FAF1: variants seen among roughly 807,000 people sequenced by gnomAD.
FAF1 encodes the protein Fas associated factor 1, also known as FAS-associated factor 1.
FAF1 carries 25 observed loss-of-function variants against 92.5 expected under a neutral mutation model. That is an observed-to-expected ratio of 0.27 (90% CI 0.20 to 0.38). The LOEUF (loss-of-function observed/expected upper bound fraction) is 0.38, where lower values mean the gene tolerates loss of function less well. Ranked by LOEUF, FAF1 falls within the 10% of genes least tolerant of loss-of-function variation. FAF1 has a pLI of 1.00. For missense variants in FAF1, 636 were observed against 793.3 expected (o/e 0.80, Z 2.38); for synonymous variants, 234 against 273.2 (o/e 0.86, Z 1.42).
intron 4 of FAF1, among the ~76,000 whole-genome samples, chr1:50,767,698 T>C (rs1476538465): frequency 6.6e-6 from 1 of 152,216 alleles, no homozygotes; most frequent in Admixed American, 6.5e-5. Flanking sequence ...AAGAGCTTCA[T>C]ATCCTGCCAG....
At chr1:50,789,273 G>C (rs1296398846) in intron 3 of FAF1, among the ~76,000 whole-genome samples, 1 of 152,098 alleles carries the variant, frequency 6.6e-6, no homozygotes, top group Admixed American at 6.5e-5. Flanking sequence ...AAGTAAAAAT[G>C]AAATCCTGGC....
At chr1:50,851,464 C>T (rs76293293) in intron 2 of FAF1, among the ~76,000 whole-genome samples, 14 of 152,258 alleles carry the variant, frequency 9.2e-5, no homozygotes, top group African/African-American at 3.1e-4. Flanking sequence ...TTGGTTTTCC[C>T]GCTGTGAGCT....
rs529610713 is a variant in FAF1 at position 50,866,174 on chromosome 1, A to T, written c.46-8177T>A. On this transcript the variant is annotated intron_variant, in intron 1 of 18. Coordinates refer to ENST00000396153, the MANE Select transcript of FAF1 (RefSeq NM_007051.3). ...TTTCTCTGTGATTAAAACCCTCAGC[A>T]AAATCAGCATAGAAAGGACATACCT... is the stretch of plus-strand genomic sequence containing the variant. Among the ~76,000 whole-genome samples the T allele has an allele frequency of 3.9e-5, 6 of 152,270 alleles. No homozygotes were observed. In the South Asian group the frequency reaches 1.2e-3, roughly 32 times the overall value.
intron 18 of FAF1, among the ~76,000 whole-genome samples, chr1:50,463,179 G>A (rs1469132910): frequency 2.0e-5 from 3 of 152,132 alleles, no homozygotes; most frequent in Non-Finnish European, 2.9e-5. Context: ...AAAGCCCTGG[G>A]CAGAGTCCCT....
At chr1:50,689,993 CT>C (rs1159221059) in intron 7 of FAF1, among the ~76,000 whole-genome samples, 6,016 of 122,280 alleles carry the variant, frequency 0.049, 245 homozygotes, top group African/African-American at 0.17. Flanking sequence ...CATTATATTT[CT>C]TTTTTTTTTT....
intron 2 of FAF1, among the ~76,000 whole-genome samples, chr1:50,826,561 A>AT (rs1430903880): frequency 6.6e-6 from 1 of 152,082 alleles, no homozygotes; most frequent in Non-Finnish European, 1.5e-5. Context: ...AAAAAAAAAA[A>AT]AAAAATGGAT....
At chr1:50,779,661 A>C (rs1661090310) in intron 4 of FAF1, among the ~76,000 whole-genome samples, 1 of 151,948 alleles carries the variant, frequency 6.6e-6, no homozygotes, top group African/African-American at 2.4e-5. Flanking sequence ...AATAACAAAA[A>C]AACGTTTGGG....
chr1:50,680,360 A>T (rs1184292486), intron 7 of FAF1, among the ~76,000 whole-genome samples: 1 of 152,174 alleles, frequency 6.6e-6, no homozygotes, highest in Non-Finnish European at 1.5e-5. Flanking sequence ...TTAGAAATAT[A>T]ATATTCTCCC....
At chr1:50,935,497 G>C (rs1645079246) in intron 1 of FAF1, among the ~76,000 whole-genome samples, 1 of 141,734 alleles carries the variant, frequency 7.1e-6, no homozygotes, top group African/African-American at 2.7e-5. Context: ...TTGAGATGGA[G>C]TCTCATTTTG....
intron 2 of FAF1, among the ~76,000 whole-genome samples, chr1:50,803,446 C>T (rs1223251565): frequency 6.6e-6 from 1 of 152,120 alleles, no homozygotes; most frequent in African/African-American, 2.4e-5. Context: ...CCTCAGTTTC[C>T]TTATCTGTGT....
At chr1:50,545,601 A>G (rs534781241) in intron 13 of FAF1, among the ~76,000 whole-genome samples, 458 of 149,790 alleles carry the variant, frequency 3.1e-3, no homozygotes, top group Middle Eastern at 6.9e-3. Flanking sequence ...AAGAAAAAAG[A>G]AAAAAAAAAC....
intron 7 of FAF1, among the ~76,000 whole-genome samples, chr1:50,660,866 T>C (rs1181734993): frequency 1.3e-5 from 2 of 152,160 alleles, no homozygotes; most frequent in Admixed American, 6.5e-5. Context: ...TGAGACCTCA[T>C]GTACTCCACC....
intron 8 of FAF1, among the ~76,000 whole-genome samples, chr1:50,632,339 AG>A (rs1351929235): frequency 1.3e-5 from 2 of 152,240 alleles, no homozygotes; most frequent in Non-Finnish European, 2.9e-5. Context: ...AACACAAATC[AG>A]ATCTCCAGTT....
chr1:50,655,300 G>A, intron 8 of FAF1, 142 bp downstream of exon 8: 1 of 679,060 alleles, frequency 1.5e-6, no homozygotes, highest in Admixed American at 2.4e-5. Flanking sequence ...GGGATTACAG[G>A]CATGAGCCAC....
chr1:50,767,442 T>C (rs539861390), intron 4 of FAF1, among the ~76,000 whole-genome samples: 26 of 152,098 alleles, frequency 1.7e-4, no homozygotes, highest in Non-Finnish European at 2.9e-4. Flanking sequence ...ATGCCAACAT[T>C]CAAATATAAG....
At position 50,687,932 on chromosome 1, in the gene FAF1, G is replaced by A. The variant is rs141517606; in HGVS notation, c.657+17854C>T. The stretch of plus-strand genomic sequence containing the variant: ...GGGCGGATCACAAGGTCAGGAGTTC[G>A]AGACCATCTTGGCTAACACAGTGAA... On this transcript the variant is annotated intron_variant, in intron 7 of 18. Transcript: ENST00000396153. Among the ~76,000 whole-genome samples the A allele has an allele frequency of 8.7e-3, 1,316 of 151,838 alleles. 15 individuals carry two copies. Among genetic ancestry groups the A allele is most frequent in the Non-Finnish European group, 0.015 (1,007 of 67,934 alleles).
chr1:50,950,341 C>A (rs1005074167), intron 1 of FAF1, among the ~76,000 whole-genome samples: 47 of 152,196 alleles, frequency 3.1e-4, no homozygotes, highest in African/African-American at 1.1e-3. Flanking sequence ...ACACTCCAGC[C>A]CTCTGAATTT....
chr1:50,672,330 C>T (rs999841798), intron 7 of FAF1, among the ~76,000 whole-genome samples: 3 of 151,638 alleles, frequency 2.0e-5, no homozygotes, highest in Non-Finnish European at 2.9e-5. Flanking sequence ...CGTGAGCCAC[C>T]GCGCCCCAGC....
intron 6 of FAF1, among the ~76,000 whole-genome samples, chr1:50,709,293 T>C (rs1557486816): frequency 6.6e-6 from 1 of 152,202 alleles, no homozygotes; most frequent in Non-Finnish European, 1.5e-5. Context: ...TGAATTCCTA[T>C]ATCACATACT....
Sources: gnomAD v4.1 joint callset for allele counts (sites outside exome capture counted in the v4.1 genomes callset) on GRCh38, gnomAD v4.1.1 for gene constraint, MANE v1.5 for transcripts, NCBI Gene and HGNC (gene_info 2026-07-23, HGNC 2026-07-21) for gene names.